The following MECR variants were observed in gnomAD, a reference collection of about 807,000 sequenced individuals.
The protein encoded by MECR is mitochondrial trans-2-enoyl-CoA reductase, also known as enoyl-[acyl-carrier-protein] reductase, mitochondrial.
In MECR, 37 loss-of-function variants were observed where a neutral mutation model predicts 49.1. That is an observed-to-expected ratio of 0.75 (90% CI 0.58 to 0.99). The LOEUF is 0.99. Ranked by LOEUF, MECR falls within the 50% of genes least tolerant of loss-of-function variation. The pLI is 0.00. For synonymous variants in MECR, 198 were observed against 191.1 expected, an observed-to-expected ratio of 1.04 and a Z score of -0.30; for missense variants, 470 against 479.6, an observed-to-expected ratio of 0.98 and a Z score of 0.19.
At chr1:29,215,074 T>C (rs1465193758) in intron 3 of MECR, among the ~76,000 whole-genome samples, 2 of 152,154 alleles carry the variant, frequency 1.3e-5, no homozygotes, top group Non-Finnish European at 2.9e-5. Context: ...AGTGCAATGG[T>C]GCGATCATAG....
chr1:29,225,356 C>T (rs1324281608), intron 1 of MECR, among the ~76,000 whole-genome samples: 1 of 152,066 alleles, frequency 6.6e-6, no homozygotes, highest in Non-Finnish European at 1.5e-5. Context: ...TCTCCTCATA[C>T]ACTGCTCACC....
chr1:29,230,881 C>G lies in MECR; in HGVS notation c.26G>C (p.Arg9Pro). 8 of 1,609,370 alleles carry G rather than the reference C, an allele frequency of 5.0e-6. No individual in the cohort carries two copies. The highest frequency in any genetic ancestry group is 6.8e-6 in the Non-Finnish European group (8 of 1,179,676). Residue 9 changes from arginine (R) to proline (P), a missense_variant, in exon 1 of 10, where the codon CGG becomes CCG. Physicochemically the swap from Arg to Pro is moderately radical, Grantham distance 103. Transcript: ENST00000263702. MWVCSTLW[R>P]VRTPARQWRG... ...CCACTGCCGGGCGGGGGTTCGCACC[C>G]GCCACAGGGTACTGCAGACCCACAT...
At position 29,230,858 on chromosome 1, in the gene MECR, A is replaced by G. The variant is rs1683255859; in HGVS notation, c.49T>C (p.Trp17Arg). 2 of 1,607,476 alleles carry G rather than the reference A, an allele frequency of 1.2e-6. No homozygotes were observed. The highest frequency in any genetic ancestry group is 1.7e-6 in the Non-Finnish European group (2 of 1,179,176). Residue 17 changes from tryptophan to arginine, a missense_variant, in exon 1 of 10, where the codon TGG becomes CGG. Coordinates refer to ENST00000263702, the MANE Select transcript of MECR (RefSeq NM_016011.5). ...LWRVRTPARQWRGLLPASGCH... is the reference protein window; with the variant it reads ...LWRVRTPARQRRGLLPASGCH... ...CCAGAAGCTGGGAGCAGCCCCCGCC[A>G]CTGCCGGGCGGGGGTTCGCACCCGC... is the stretch of plus-strand genomic sequence containing the variant.
chr1:29,189,413 A>G (rs1673080928), downstream of MECR, among the ~76,000 whole-genome samples: 1 of 149,824 alleles, frequency 6.7e-6, no homozygotes, highest in African/African-American at 2.5e-5. Context: ...GGGTCTCCTC[A>G]TGTTGCCCAG....
At chr1:29,194,229 G>T in intron 9 of MECR, 50 bp from the exon 10 acceptor site, 1 of 1,554,354 alleles carries the variant, frequency 6.4e-7, no homozygotes. Flanking sequence ...CTGGGGCTTG[G>T]TGAGATGTGG....
the MECR span, chr1:29,181,520 T>C: frequency 3.4e-5 from 27 of 788,122 alleles, no homozygotes; most frequent in Non-Finnish European, 1.1e-5. Context: ...GCCGCCACTA[T>C]GGCGGAGCCT....
intron 3 of MECR, among the ~76,000 whole-genome samples, chr1:29,212,636 C>T (rs562501235): frequency 6.6e-6 from 1 of 152,362 alleles, no homozygotes; most frequent in Admixed American, 6.5e-5. Flanking sequence ...CAGACCCTCA[C>T]ACTTCATCAT....
chr1:29,216,863 G>C (rs1448253831), intron 1 of MECR, 178 bp from the exon 2 acceptor site: 2 of 1,376,224 alleles, frequency 1.5e-6, no homozygotes, highest in African/African-American at 1.5e-5. Context: ...GGCTGGGCGT[G>C]GTGGCTCACG....
At chr1:29,220,396 G>A (rs760166168) in intron 1 of MECR, among the ~76,000 whole-genome samples, 7 of 151,934 alleles carry the variant, frequency 4.6e-5, no homozygotes, top group African/African-American at 7.3e-5. Context: ...GTGGGACTCC[G>A]TCTCAAAAGA....
At chr1:29,216,874 C>T (rs1679535455) in intron 1 of MECR, 189 bp from the exon 2 acceptor site, 2 of 1,325,172 alleles carry the variant, frequency 1.5e-6, no homozygotes, top group South Asian at 3.0e-5. Flanking sequence ...GTGGCTCACG[C>T]CTGTAATCCC....
intron 1 of MECR, among the ~76,000 whole-genome samples, chr1:29,225,275 C>A (rs1169034349): frequency 1.3e-5 from 2 of 152,158 alleles, no homozygotes; most frequent in Non-Finnish European, 2.9e-5. Flanking sequence ...TGATCACACA[C>A]ACCATGTTTT....
chr1:29,206,854 G>A lies in MECR; in HGVS notation c.458C>T (p.Pro153Leu), dbSNP rs759114736. ...AGCGCTCTGAAGAGGGATGTCACTCGGAACTTGGATCAGTGCTTCCTCGCT... is the reference window on the plus strand; with the variant it reads ...AGCGCTCTGAAGAGGGATGTCACTCAGAACTTGGATCAGTGCTTCCTCGCT... ...VFSEEALIQV[P>L]SDIPLQSAAT... is the part of the protein sequence containing the mutation. The change falls in exon 4 of 10, where the codon CCG (proline) becomes CTG (leucine). Residue 153 changes from proline (P) to leucine (L), a missense_variant. Physicochemically the swap from Pro to Leu is moderately conservative, Grantham distance 98. Coordinates refer to ENST00000263702, the MANE Select transcript of MECR (RefSeq NM_016011.5). The A allele has an allele frequency of 1.6e-5, 26 of 1,614,056 alleles. No individual in the cohort carries two copies. The highest frequency in any genetic ancestry group is 8.3e-5 in the Admixed American group (5 of 60,004).
intron 3 of MECR, among the ~76,000 whole-genome samples, chr1:29,210,773 G>A (rs992728181): frequency 6.6e-6 from 1 of 152,190 alleles, no homozygotes; most frequent in Admixed American, 6.5e-5. Flanking sequence ...GTGTGACTTT[G>A]AATGATCACT....
the MECR span, among the ~76,000 whole-genome samples, chr1:29,177,889 C>T: frequency 8.2e-4 from 115 of 140,240 alleles, 1 homozygote; most frequent in Non-Finnish European, 1.2e-4. Context: ...TCCTATTACA[C>T]AAGATTTTTT....
At chr1:29,195,747 C>T (rs753422809) in intron 9 of MECR, among the ~76,000 whole-genome samples, 194 bp downstream of exon 9, 6 of 152,134 alleles carry the variant, frequency 3.9e-5, no homozygotes, top group African/African-American at 9.7e-5. Context: ...TCTTGTTCTG[C>T]GCCCCTAAGA....
the MECR span, chr1:29,181,615 G>A: frequency 5.2e-6 from 8 of 1,553,176 alleles, no homozygotes; most frequent in African/African-American, 5.7e-5. Flanking sequence ...GTCTGTCCCC[G>A]CCCGGCCGGA....
At chr1:29,181,963 A>C in the MECR span, 1 of 394,722 alleles carries the variant, frequency 2.5e-6, no homozygotes, top group East Asian at 4.3e-5. Flanking sequence ...AACCGGAGAG[A>C]GCGCGCGTTC....
At chr1:29,225,635 A>G (rs1208577672) in intron 1 of MECR, among the ~76,000 whole-genome samples, 1 of 152,088 alleles carries the variant, frequency 6.6e-6, no homozygotes, top group African/African-American at 2.4e-5. Context: ...TACTATATCA[A>G]TGCCTTCTGT....
At chr1:29,209,685 G>A (rs1417532353) in intron 3 of MECR, among the ~76,000 whole-genome samples, 7 of 152,154 alleles carry the variant, frequency 4.6e-5, no homozygotes, top group Non-Finnish European at 4.4e-5. Flanking sequence ...ATGAAGAAGG[G>A]GTGAAGAGGG....
Sources: allele counts gnomAD v4.1 joint callset (sites outside exome capture counted in the v4.1 genomes callset), GRCh38; gene constraint gnomAD v4.1.1; transcripts MANE v1.5; gene names NCBI Gene and HGNC (gene_info 2026-07-23, HGNC 2026-07-21).